The following PITPNM2 variants were observed in gnomAD, a reference collection of about 807,000 sequenced individuals.
PITPNM2 encodes the protein phosphatidylinositol transfer protein membrane associated 2, also known as membrane-associated phosphatidylinositol transfer protein 2.
PITPNM2 carries 35 observed loss-of-function variants against 132.2 expected under a neutral mutation model. That is an observed-to-expected ratio of 0.26 (90% confidence interval 0.20 to 0.35). The LOEUF is 0.35. Ranked by LOEUF, PITPNM2 falls within the 10% of genes least tolerant of loss-of-function variation. The pLI, the probability that PITPNM2 is intolerant of heterozygous loss-of-function variation, is 1.00. For synonymous variants in PITPNM2, 738 were observed against 799.2 expected, an observed-to-expected ratio of 0.92 and a Z score of 1.29; for missense variants, 1,332 against 1,912.0, an observed-to-expected ratio of 0.70 and a Z score of 5.66.
chr12:123,145,337 G>T (rs2043592793), intron 1 of PITPNM2, among the ~76,000 whole-genome samples: 1 of 152,066 alleles, frequency 6.6e-6, no homozygotes, highest in East Asian at 1.9e-4. Flanking sequence ...CACCCAATAG[G>T]GAGTTTGAGC....
Position 123,034,667 on chromosome 12 carries a change from C to A in PITPNM2, c.-77G>T. 8.0e-7 allele frequency: 1 copy of A among 1,254,244 alleles called. No individual in the cohort carries two copies. Among genetic ancestry groups the A allele is most frequent in the South Asian group, 1.2e-5 (1 of 82,540 alleles). The allele number at this position is 1,254,244 out of a possible 1,614,324, so 77.7% of individuals were successfully genotyped here. ...GGCAAGGTTCCTTAAATAACCATGA[C>A]AAAATTCACCAAGGACCCCTGGGAG... On this transcript the variant is annotated 5_prime_UTR_variant, in exon 3 of 26. Coordinates refer to ENST00000320201, the MANE Select transcript of PITPNM2 (RefSeq NM_020845.3).
intron 6 of PITPNM2, among the ~76,000 whole-genome samples, chr12:123,007,088 C>T (rs987977443): frequency 6.6e-6 from 1 of 152,168 alleles, no homozygotes; most frequent in Admixed American, 6.6e-5. Context: ...GCTTGTCATG[C>T]GTTTTGCCTT....
rs1426370593 is a variant in PITPNM2 at position 123,064,735 on chromosome 12, T to G, written c.-95-30050A>C. Among the ~76,000 whole-genome samples the G allele has an allele frequency of 6.6e-6, 1 of 151,998 alleles. No individual in the cohort carries two copies. Among genetic ancestry groups the G allele is most frequent in the African/African-American group, 2.4e-5 (1 of 41,360 alleles). On this transcript the variant is annotated intron_variant, in intron 2 of 25. Coordinates refer to ENST00000320201, the MANE Select transcript of PITPNM2 (RefSeq NM_020845.3). This position sits in a 1 kb window ranked among gnomAD's most constrained non-coding sequence, Gnocchi z 4.0. ...AGGGAAGGTTGTGGGGGTAAGCACA[T>G]CACCCTCACCCTGCAAAAAAAAGCT...
intron 2 of PITPNM2, among the ~76,000 whole-genome samples, chr12:123,104,774 T>G (rs1406983906): frequency 1.3e-5 from 2 of 152,168 alleles, no homozygotes; most frequent in Non-Finnish European, 2.9e-5. Flanking sequence ...GCCTGTTTGG[T>G]GGTCTCTTCA....
chr12:122,994,982 G>A lies in PITPNM2; in HGVS notation c.2055-3C>T. ...TCCTCAGCACGCTGGCATGGAGGCT[G>A]CAGACCCAAATAAGACTTAGCTGTC... On this transcript the variant is annotated splice_polypyrimidine_tract_variant and splice_region_variant and intron_variant, in intron 14 of 25. Coordinates refer to ENST00000320201, the MANE Select transcript of PITPNM2 (RefSeq NM_020845.3). The surrounding 1 kb of genome is among the most constrained non-coding windows in gnomAD (Gnocchi z 5.4). 1 of 1,599,412 alleles carries A rather than the reference G, an allele frequency of 6.3e-7. No homozygotes were observed.
Position 122,996,472 on chromosome 12 carries a change from C to T in PITPNM2, c.1768G>A (p.Val590Met), listed in dbSNP as rs147212495. The change falls in exon 13 of 26, where the codon GTG becomes ATG. Residue 590 changes from valine (V) to methionine (M), a missense_variant. Physicochemically the swap from Val to Met is conservative, Grantham distance 21. Coordinates refer to ENST00000320201, the MANE Select transcript of PITPNM2 (RefSeq NM_020845.3). ...ESQSSSRRGS[V>M]VSMQDNDLLS... The stretch of plus-strand genomic sequence containing the variant: ...CACTTGGGTACCTGCATGCTGACCA[C>T]GCTGCCCCGGCGGCTGCTGCTCTGA... 9,171 of 1,613,086 alleles carry T rather than the reference C, an allele frequency of 5.7e-3. 52 individuals carry two copies. Among genetic ancestry groups the T allele is most frequent in the Middle Eastern group, 0.012 (73 of 6,062 alleles).
intron 14 of PITPNM2, among the ~76,000 whole-genome samples, 159 bp from the exon 15 acceptor site, chr12:122,995,138 C>T (rs955257990): frequency 3.3e-5 from 5 of 152,210 alleles, no homozygotes; most frequent in African/African-American, 1.2e-4. Context: ...CTGCCCCCAA[C>T]TCTGCCATTC....
At chr12:123,073,156 G>A (rs146567808) in intron 2 of PITPNM2, among the ~76,000 whole-genome samples, 97 of 152,254 alleles carry the variant, frequency 6.4e-4, no homozygotes, top group African/African-American at 2.0e-3. Flanking sequence ...TTGTTACATC[G>A]GTATACTTTC....
intron 2 of PITPNM2, among the ~76,000 whole-genome samples, chr12:123,065,648 G>C (rs556517721): frequency 1.7e-4 from 26 of 152,360 alleles, no homozygotes; most frequent in African/African-American, 6.3e-4. Context: ...GCTCAGAAGG[G>C]CTGTTCATTT....
chr12:123,050,294 C>A (rs2040816397), intron 2 of PITPNM2, among the ~76,000 whole-genome samples: 1 of 152,216 alleles, frequency 6.6e-6, no homozygotes, highest in Non-Finnish European at 1.5e-5. Context: ...TCCTCTCAGA[C>A]ACACTCAGTG....
In PITPNM2 at chr12:123,132,751, T is replaced by C. The variant is rs940521530; in HGVS notation, c.-200+18002A>G. Among the ~76,000 whole-genome samples the C allele has an allele frequency of 5.9e-5, 9 of 152,248 alleles. No individual in the cohort carries two copies. The Middle Eastern group carries it at 0.014, about 230-fold the overall frequency. The stretch of plus-strand genomic sequence containing the variant: ...GTATTTGCCTATTCTAGGTACCTCA[T>C]ATAAGTAGAATCATACAATATTGTC... On this transcript the variant is annotated intron_variant, in intron 1 of 25. Transcript: ENST00000320201.
At chr12:123,135,942 T>C (rs558858123) in intron 1 of PITPNM2, among the ~76,000 whole-genome samples, 35 of 152,328 alleles carry the variant, frequency 2.3e-4, no homozygotes, top group African/African-American at 8.2e-4. Context: ...CATCAGTTGA[T>C]GGACATTTTT....
intron 4 of PITPNM2, 116 bp from the exon 5 acceptor site, chr12:123,012,850 G>A: frequency 3.6e-6 from 5 of 1,402,404 alleles, no homozygotes; most frequent in South Asian, 1.3e-5. Flanking sequence ...ATGGAAGGAG[G>A]GTGGAGGGTA....
chr12:123,000,941 GGTCCC>G lies in PITPNM2; in HGVS notation c.1154-98_1154-94del. 6.4e-7 allele frequency: 1 copy of G among 1,560,106 alleles called. No homozygotes were observed. The highest frequency in any genetic ancestry group is 8.8e-7 in the Non-Finnish European group (1 of 1,132,452). On this transcript the variant is annotated intron_variant, in intron 9 of 25. Coordinates refer to ENST00000320201, the MANE Select transcript of PITPNM2 (RefSeq NM_020845.3). This position sits in a 1 kb window ranked among gnomAD's most constrained non-coding sequence, Gnocchi z 5.4. ...GCAACTGTGACGAGGGGAGCTTGGG[GGTCCC>G]CAACTCACATGTATGCCCAGCACTG...
At chr12:123,040,153 T>TA (rs918581860) in intron 2 of PITPNM2, among the ~76,000 whole-genome samples, 1 of 151,682 alleles carries the variant, frequency 6.6e-6, no homozygotes, top group African/African-American at 2.4e-5. Context: ...AGTTTATTAT[T>TA]AAAAAAAAAT....
At chr12:123,030,197 T>G (rs1299961759) in intron 3 of PITPNM2, among the ~76,000 whole-genome samples, 1 of 151,924 alleles carries the variant, frequency 6.6e-6, no homozygotes, top group Non-Finnish European at 1.5e-5. Context: ...ACATACTCAC[T>G]AGGGTAGCAT....
intron 2 of PITPNM2, among the ~76,000 whole-genome samples, chr12:123,035,937 C>A (rs1185800102): frequency 1.3e-5 from 2 of 152,186 alleles, no homozygotes; most frequent in African/African-American, 2.4e-5. Flanking sequence ...CAGCTCACTG[C>A]AGCCTTGATC....
In PITPNM2 at chr12:122,996,877, C is replaced by T. The variant is rs375154305; in HGVS notation, c.1506G>A (p.Leu502=). The change falls in exon 12 of 26, where the codon CTG becomes CTA. Residue 502 remains leucine (L), a synonymous_variant. Coordinates refer to ENST00000320201, the MANE Select transcript of PITPNM2 (RefSeq NM_020845.3). ...LSPYSHDEGC[L]SSSQDHIPLA... ...GGGGAATGTGGTCCTGACTGCTGGA[C>T]AGACAGCCTTCGTCATGGCTGTAGG... The T allele has an allele frequency of 4.4e-6, 7 of 1,586,008 alleles. No individual in the cohort carries two copies. The African/African-American group carries it at 9.6e-5, about 22-fold the overall frequency.
At chr12:123,131,784 C>T (rs938277206) in intron 1 of PITPNM2, among the ~76,000 whole-genome samples, 1 of 152,206 alleles carries the variant, frequency 6.6e-6, no homozygotes, top group African/African-American at 2.4e-5. Flanking sequence ...TGACTGCTTA[C>T]TGGAAGGGAT....
Sources: gnomAD v4.1 joint callset for allele counts (sites outside exome capture counted in the v4.1 genomes callset) on GRCh38, gnomAD v4.1.1 for gene constraint, Gnocchi (gnomAD v3.1) non-coding constraint, MANE v1.5 for transcripts, NCBI Gene and HGNC (gene_info 2026-07-23, HGNC 2026-07-21) for gene names.